WWP2: variants seen among roughly 807,000 people sequenced by gnomAD.
WWP2 encodes the protein WW domain containing E3 ubiquitin protein ligase 2, also known as NEDD4-like E3 ubiquitin-protein ligase WWP2.
Under a neutral mutation model 121.0 loss-of-function variants are expected in WWP2, and 57 were observed. The ratio of observed to expected loss-of-function variants is 0.47; its 90% CI spans 0.38 to 0.59. WWP2 has a LOEUF of 0.59. WWP2 is among the 20% of genes least tolerant of loss of function. The pLI is 0.00. For missense variants in WWP2, 962 were observed against 1,158.9 expected (o/e 0.83, Z 2.47); for synonymous variants, 449 against 441.3 (o/e 1.02, Z -0.22).
intron 2 of WWP2, among the ~76,000 whole-genome samples, chr16:69,792,029 G>A (rs1259625563): frequency 2.0e-5 from 3 of 152,022 alleles, no homozygotes; most frequent in Non-Finnish European, 4.4e-5. Flanking sequence ...AATGGTGGGG[G>A]GAAAGAGAAA....
intron 7 of WWP2, among the ~76,000 whole-genome samples, chr16:69,874,401 T>C (rs981795800): frequency 6.6e-6 from 1 of 152,178 alleles, no homozygotes; most frequent in African/African-American, 2.4e-5. Flanking sequence ...GGTGGGGAGC[T>C]CTGCCTCCTG....
chr16:69,929,126 C>T (rs963388936), intron 11 of WWP2, among the ~76,000 whole-genome samples: 2 of 152,076 alleles, frequency 1.3e-5, no homozygotes, highest in Non-Finnish European at 2.9e-5. Flanking sequence ...CAGCTGGGAG[C>T]AATTATGCCT....
chr16:69,823,628 T>C lies in WWP2; in HGVS notation c.341-16498T>C, dbSNP rs186678691. Among the ~76,000 whole-genome samples, 333 of 152,076 alleles carry C rather than the reference T, an allele frequency of 2.2e-3. 2 individuals carry two copies. The highest frequency in any genetic ancestry group is 5.4e-3 in the South Asian group (26 of 4,806). ...GATTACAGGTGTGTACCACCACACC[T>C]AGCTAATTTTTATATTTTTAGTAGA... On this transcript the variant is annotated intron_variant, in intron 4 of 23. Coordinates refer to ENST00000359154, the MANE Select transcript of WWP2 (RefSeq NM_001270454.2).
At chr16:69,838,308 T>C (rs965431230) in intron 4 of WWP2, among the ~76,000 whole-genome samples, 6 of 151,972 alleles carry the variant, frequency 3.9e-5, no homozygotes, top group African/African-American at 1.5e-4. Flanking sequence ...GGTGCACAGC[T>C]CTCAGGGACT....
chr16:69,939,282 A>G, intron 22 of WWP2, 59 bp from the exon 23 acceptor site: 1 of 1,605,456 alleles, frequency 6.2e-7, no homozygotes, highest in Non-Finnish European at 8.5e-7. Flanking sequence ...GAGCCGGAGG[A>G]TCCTGCTTTG....
chr16:69,915,021 G>T (rs1296365394), intron 9 of WWP2, among the ~76,000 whole-genome samples: 3 of 152,170 alleles, frequency 2.0e-5, no homozygotes, highest in Non-Finnish European at 4.4e-5. Context: ...AGAAGGGAAG[G>T]CAAGTCAGGT....
At chr16:69,798,510 T>C (rs1345914935) in intron 2 of WWP2, among the ~76,000 whole-genome samples, 172 bp from the exon 3 acceptor site, 2 of 152,138 alleles carry the variant, frequency 1.3e-5, no homozygotes, top group African/African-American at 4.8e-5. Context: ...CTTCATATTT[T>C]TTTTGGTGTG....
chr16:69,874,449 C>G (rs536231378), intron 7 of WWP2, among the ~76,000 whole-genome samples: 7 of 152,318 alleles, frequency 4.6e-5, no homozygotes, highest in Admixed American at 4.6e-4. Context: ...TATTTAGCAG[C>G]CTTTTTTGGC....
chr16:69,862,416 G>A (rs541515873), intron 6 of WWP2, among the ~76,000 whole-genome samples: 17 of 151,018 alleles, frequency 1.1e-4, no homozygotes, highest in Middle Eastern at 3.5e-3. Context: ...AGGCTGGAGC[G>A]CAGCAGCAGG....
At chr16:69,873,126 G>A (rs1453439537) in intron 7 of WWP2, among the ~76,000 whole-genome samples, 3 of 152,318 alleles carry the variant, frequency 2.0e-5, no homozygotes, top group South Asian at 2.1e-4. Flanking sequence ...GAGGTGTGGC[G>A]TAAAGGCCAG....
At chr16:69,846,203 A>C (rs758770682) in intron 6 of WWP2, among the ~76,000 whole-genome samples, 1 of 152,172 alleles carries the variant, frequency 6.6e-6, no homozygotes, top group South Asian at 2.1e-4. Context: ...AAAGAGTTAT[A>C]TCATAAATTG....
intron 4 of WWP2, among the ~76,000 whole-genome samples, chr16:69,803,873 A>G (rs541173771): frequency 6.6e-6 from 1 of 152,326 alleles, no homozygotes; most frequent in South Asian, 2.1e-4. Flanking sequence ...GTGCCACTGC[A>G]GTCCAGCCTG....
chr16:69,930,971 T>A (rs547469264), intron 13 of WWP2, among the ~76,000 whole-genome samples, 181 bp from the exon 14 acceptor site: 1 of 152,332 alleles, frequency 6.6e-6, no homozygotes, highest in South Asian at 2.1e-4. Context: ...AAGCAAGAAG[T>A]CTGGCTTTAT....
intron 7 of WWP2, among the ~76,000 whole-genome samples, chr16:69,882,400 C>A (rs1295276303): frequency 2.0e-5 from 3 of 151,856 alleles, no homozygotes; most frequent in South Asian, 4.1e-4. Flanking sequence ...AAATATCTTT[C>A]TTTTGCTAGA....
intron 16 of WWP2, among the ~76,000 whole-genome samples, 177 bp downstream of exon 16, chr16:69,932,067 C>G (rs549281658): frequency 6.6e-6 from 1 of 152,278 alleles, no homozygotes; most frequent in Admixed American, 6.5e-5. Flanking sequence ...CGGTGGCTCA[C>G]GCCTATAATC....
Position 69,937,519 on chromosome 16 carries a change from C to CG in WWP2, c.2239-25dup, listed in dbSNP as rs2058817757. ...GGACGATGCGCGGGGAGGGACCTGC[C>CG]GGGGATGCTGACTGCCGCCTCTCCC... is the stretch of plus-strand genomic sequence containing the variant. On this transcript the variant is annotated intron_variant, in intron 20 of 23. Transcript: ENST00000359154. The surrounding 1 kb of genome is among the most constrained non-coding windows in gnomAD (Gnocchi z 6.6). 6.2e-7 allele frequency: 1 copy of CG among 1,610,056 alleles called. No homozygotes were observed. Among genetic ancestry groups the CG allele is most frequent in the Admixed American group, 1.7e-5 (1 of 59,898 alleles).
chr16:69,778,106 CAT>C (rs202157148), intron 1 of WWP2, among the ~76,000 whole-genome samples: 2,905 of 145,570 alleles, frequency 0.02, 35 homozygotes, highest in African/African-American at 0.028. Flanking sequence ...CACACACACA[CAT>C]GTATATACAT....
At chr16:69,783,112 G>T (rs1203599582) in intron 1 of WWP2, 1 of 149,176 alleles carries the variant, frequency 6.7e-6, no homozygotes, top group Non-Finnish European at 1.5e-5. Flanking sequence ...CCAGGTTCAA[G>T]CGATTCTTCT....
rs1171852385 is a variant in WWP2 at position 69,799,078 on chromosome 16, C to T, written c.219-96C>T. 5.2e-6 allele frequency: 8 copies of T among 1,527,408 alleles called. No individual in the cohort carries two copies. Among genetic ancestry groups the T allele is most frequent in the Non-Finnish European group, 7.0e-6 (8 of 1,136,984 alleles). The allele number at this position is 1,527,408 out of a possible 1,614,324, so 94.6% of individuals were successfully genotyped here. A position where few individuals can be genotyped will look rare whatever the true frequency, so the allele number is the denominator to read the frequency against. ...GTGGGTGTCTGCCTGTTTTGGTTCC[C>T]CCTCCCCAAGATGTCAGCAGTTTAG... On this transcript the variant is annotated intron_variant, in intron 3 of 23. Coordinates refer to ENST00000359154, the MANE Select transcript of WWP2 (RefSeq NM_001270454.2). This position sits in a 1 kb window ranked among gnomAD's most constrained non-coding sequence, Gnocchi z 4.5.
Sources: gnomAD v4.1 joint callset for allele counts (sites outside exome capture counted in the v4.1 genomes callset) on GRCh38, gnomAD v4.1.1 for gene constraint, Gnocchi (gnomAD v3.1) non-coding constraint, MANE v1.5 for transcripts, NCBI Gene and HGNC (gene_info 2026-07-23, HGNC 2026-07-21) for gene names.